Variants in AK7 observed in about 807,000 individuals in gnomAD.
AK7 encodes ATP-AMP transphosphorylase 7.
In AK7, 78 loss-of-function variants were observed where a neutral mutation model predicts 96.6. That is an observed-to-expected ratio of 0.81 (90% CI 0.67 to 0.97). AK7 has a LOEUF of 0.97. AK7 is among the 50% of genes least tolerant of loss of function. The pLI is 0.00. For missense variants in AK7, 855 were observed against 887.9 expected, an observed-to-expected ratio of 0.96 and a Z score of 0.47; for synonymous variants, 302 against 317.2, an observed-to-expected ratio of 0.95 and a Z score of 0.51.
intron 5 of AK7, chr14:96,423,896 C>A: frequency 1.0e-6 from 1 of 1,003,114 alleles, no homozygotes; most frequent in Non-Finnish European, 1.6e-6. Context: ...ACCCCGAGCC[C>A]ACATAATCCG....
chr14:96,435,508 G>A (rs1245363823), intron 5 of AK7, among the ~76,000 whole-genome samples: 1 of 152,180 alleles, frequency 6.6e-6, no homozygotes, highest in African/African-American at 2.4e-5. Flanking sequence ...TTAGAGGAGA[G>A]GTGGTACCAG....
At chr14:96,428,536 C>T (rs1159452487) in intron 5 of AK7, among the ~76,000 whole-genome samples, 1 of 152,174 alleles carries the variant, frequency 6.6e-6, no homozygotes, top group Admixed American at 6.5e-5. Context: ...GAGGAATCGC[C>T]ACACTGTCTT....
At chr14:96,430,159 G>C (rs1892265876) in intron 5 of AK7, among the ~76,000 whole-genome samples, 1 of 149,380 alleles carries the variant, frequency 6.7e-6, no homozygotes, top group Non-Finnish European at 1.5e-5. Flanking sequence ...TTTATTAAAA[G>C]TTTTTAGCAA....
intron 6 of AK7, among the ~76,000 whole-genome samples, chr14:96,441,024 A>G (rs776654936): frequency 2.2e-4 from 33 of 151,984 alleles, no homozygotes; most frequent in Admixed American, 8.5e-4. Flanking sequence ...AGGTGTGGGT[A>G]GATAAGAGGC....
At position 96,478,630 on chromosome 14, in the gene AK7, T is replaced by C. The variant is rs745430577; in HGVS notation, c.1721T>C (p.Phe574Ser). 8 of 1,614,008 alleles carry C rather than the reference T, an allele frequency of 5.0e-6. No individual in the cohort carries two copies. The highest frequency in any genetic ancestry group is 1.3e-5 in the African/African-American group (1 of 74,908). ...GACGATGAGACTGTCTTCAACTATT[T>C]TGATGAACTTGAAATTCACCCGATA... ...NIDDETVFNY[F>S]DELEIHPIHI... Residue 574 changes from phenylalanine (F) to serine (S), a missense_variant, in exon 15 of 18, where the codon TTT becomes TCT. Coordinates refer to ENST00000267584, the MANE Select transcript of AK7 (RefSeq NM_152327.5).
intron 14 of AK7, among the ~76,000 whole-genome samples, chr14:96,477,453 G>A (rs1895249786): frequency 6.6e-6 from 1 of 152,198 alleles, no homozygotes; most frequent in Admixed American, 6.5e-5. Flanking sequence ...TAGATAGCAA[G>A]CTATTTGTGA....
chr14:96,479,700 G>A, intron 15 of AK7, among the ~76,000 whole-genome samples: 1 of 152,172 alleles, frequency 6.6e-6, no homozygotes, highest in Admixed American at 6.5e-5. Context: ...AGCTTTCACA[G>A]CTGCTGCTAC....
chr14:96,402,577 G>A (rs1035369679), intron 2 of AK7, among the ~76,000 whole-genome samples: 1 of 152,092 alleles, frequency 6.6e-6, no homozygotes, highest in Non-Finnish European at 1.5e-5. Flanking sequence ...TCTGGATCTT[G>A]ATCCATCCTA....
intron 5 of AK7, 82 bp downstream of exon 5, chr14:96,421,014 G>A (rs184992542): frequency 4.9e-5 from 47 of 959,866 alleles, no homozygotes; most frequent in South Asian, 3.4e-4. Context: ...CTTACCCCAC[G>A]GATGTCTGAG....
At chr14:96,483,847 C>T (rs1359567217) in intron 16 of AK7, among the ~76,000 whole-genome samples, 1 of 152,124 alleles carries the variant, frequency 6.6e-6, no homozygotes, top group Non-Finnish European at 1.5e-5. Context: ...CCTCCATTTA[C>T]CCATCTAACC....
At chr14:96,427,767 G>A (rs540638885) in intron 5 of AK7, among the ~76,000 whole-genome samples, 39 of 152,182 alleles carry the variant, frequency 2.6e-4, no homozygotes, top group African/African-American at 9.2e-4. Flanking sequence ...GTGCCCTTTT[G>A]AGGCTATTTT....
At chr14:96,439,444 C>A (rs1892832632) in intron 6 of AK7, among the ~76,000 whole-genome samples, 1 of 152,102 alleles carries the variant, frequency 6.6e-6, no homozygotes, top group African/African-American at 2.4e-5. Context: ...GCAGGCGGAT[C>A]ACAAGGTCAG....
At chr14:96,420,715 C>G (rs1366336308) in intron 4 of AK7, 107 bp from the exon 5 acceptor site, 1 of 768,464 alleles carries the variant, frequency 1.3e-6, no homozygotes, top group Non-Finnish European at 2.1e-6. Flanking sequence ...ATAAATCAAG[C>G]GGTAGTTTTA....
intron 4 of AK7, among the ~76,000 whole-genome samples, chr14:96,412,811 C>T (rs576627477): frequency 6.6e-5 from 10 of 152,260 alleles, no homozygotes; most frequent in South Asian, 2.1e-4. Flanking sequence ...AGGTGATCTG[C>T]GCACTTCAGC....
chr14:96,476,290 G>A (rs1249992717), intron 14 of AK7, among the ~76,000 whole-genome samples: 2 of 152,138 alleles, frequency 1.3e-5, no homozygotes, highest in African/African-American at 4.8e-5. Flanking sequence ...CAGATCACCT[G>A]AGGTCAGGAG....
intron 1 of AK7, 134 bp from the exon 2 acceptor site, chr14:96,397,941 G>A: frequency 1.3e-6 from 1 of 792,680 alleles, no homozygotes; most frequent in Non-Finnish European, 2.0e-6. Context: ...TGAGATGACA[G>A]TGTGCAAAGC....
rs905094299 is a variant in AK7, at chr14:96,399,709, A to T, written c.294+1446A>T. ...GCAGCAGCCTGGCTTCCCGAGAGAA[A>T]CTCGCCTTCCCTTCTTGTGCCTCGG... is the stretch of plus-strand genomic sequence containing the variant. On this transcript the variant is annotated intron_variant, in intron 2 of 17. Transcript: ENST00000267584. This position sits in a 1 kb window ranked among gnomAD's most constrained non-coding sequence, Gnocchi z 4.1. Among the ~76,000 whole-genome samples the T allele has an allele frequency of 6.6e-6, 1 of 151,740 alleles. No individual in the cohort carries two copies. The highest frequency in any genetic ancestry group is 2.4e-5 in the African/African-American group (1 of 41,270).
At chr14:96,402,728 G>A (rs1034699842) in intron 2 of AK7, among the ~76,000 whole-genome samples, 4 of 152,092 alleles carry the variant, frequency 2.6e-5, no homozygotes, top group African/African-American at 4.8e-5. Flanking sequence ...GGTATGGGTC[G>A]AGTTGTTTCT....
At chr14:96,402,593 A>C (rs1053845011) in intron 2 of AK7, among the ~76,000 whole-genome samples, 21 of 152,220 alleles carry the variant, frequency 1.4e-4, no homozygotes, top group African/African-American at 4.8e-4. Context: ...TCCTAGGTGT[A>C]CTGGGAAGGT....
Sources: allele counts gnomAD v4.1 joint callset (sites outside exome capture counted in the v4.1 genomes callset), GRCh38; gene constraint gnomAD v4.1.1; non-coding constraint Gnocchi (gnomAD v3.1); transcripts MANE v1.5; gene names NCBI Gene and HGNC (gene_info 2026-07-23, HGNC 2026-07-21).